Variants in DLG2 observed in about 807,000 individuals in gnomAD.
The protein encoded by DLG2 is disks large homolog 2.
A neutral mutation model predicts 132.5 loss-of-function variants in DLG2; 45 were observed. The ratio of observed to expected loss-of-function variants is 0.34; its 90% confidence interval spans 0.27 to 0.44. The LOEUF is 0.44. Among genes scored for constraint, DLG2 ranks in the 20% least tolerant of loss-of-function variants. DLG2 has a pLI of 1.00. For synonymous variants in DLG2, 424 were observed against 419.6 expected (o/e 1.01, Z -0.13); for missense variants, 1,045 against 1,196.9 (o/e 0.87, Z 1.87).
chr11:84,503,650 C>T (rs1325160876), intron 7 of DLG2, among the ~76,000 whole-genome samples: 1 of 152,194 alleles, frequency 6.6e-6, no homozygotes, highest in Admixed American at 6.5e-5. Flanking sequence ...CATGTTCCAG[C>T]TCCAGGGCTA....
At chr11:85,208,726 G>T (rs2082059834) in intron 4 of DLG2, among the ~76,000 whole-genome samples, 1 of 152,044 alleles carries the variant, frequency 6.6e-6, no homozygotes, top group South Asian at 2.1e-4. Context: ...ATGATGATTT[G>T]CAATTATCAG....
intron 21 of DLG2, among the ~76,000 whole-genome samples, chr11:83,526,964 A>G (rs2095624773): frequency 6.6e-6 from 1 of 152,176 alleles, no homozygotes. Context: ...GAAAGTGACC[A>G]TGATTTATTT....
At chr11:84,458,615 AAATAT>A (rs1356991027) in intron 7 of DLG2, among the ~76,000 whole-genome samples, 1 of 150,792 alleles carries the variant, frequency 6.6e-6, no homozygotes, top group East Asian at 1.9e-4. Context: ...TTTAGAGTTT[AAATAT>A]AATAACTTTT....
At chr11:85,246,135 T>C (rs900239844) in intron 4 of DLG2, among the ~76,000 whole-genome samples, 11 of 152,024 alleles carry the variant, frequency 7.2e-5, no homozygotes, top group Non-Finnish European at 1.5e-4. Flanking sequence ...ATGTGAATTA[T>C]AAAATTCAGG....
intron 7 of DLG2, among the ~76,000 whole-genome samples, chr11:84,260,176 G>T (rs369978090): frequency 6.6e-6 from 1 of 152,110 alleles, no homozygotes; most frequent in African/African-American, 2.4e-5. Flanking sequence ...GGAGCAGCCT[G>T]GAGAATGAAG....
chr11:84,446,160 T>G (rs1279239000), intron 7 of DLG2, among the ~76,000 whole-genome samples: 1 of 152,072 alleles, frequency 6.6e-6, no homozygotes, highest in Non-Finnish European at 1.5e-5. Flanking sequence ...TTCAATTTAT[T>G]GTTTTTTACC....
chr11:83,763,288 TAATACTC>T (rs956329047), intron 18 of DLG2, among the ~76,000 whole-genome samples: 7 of 150,326 alleles, frequency 4.7e-5, no homozygotes, highest in African/African-American at 1.8e-4. Flanking sequence ...GTAATAAGGA[TAATACTC>T]AATAGATTTT....
At chr11:84,581,079 G>A (rs1270768873) in intron 6 of DLG2, among the ~76,000 whole-genome samples, 1 of 152,206 alleles carries the variant, frequency 6.6e-6, no homozygotes, top group Non-Finnish European at 1.5e-5. Context: ...TGGTTAAACA[G>A]CTGCTCTCCC....
chr11:85,159,396 C>A (rs1369661780), intron 4 of DLG2, among the ~76,000 whole-genome samples: 2 of 152,150 alleles, frequency 1.3e-5, no homozygotes, highest in Admixed American at 6.5e-5. Context: ...GGTGGGAATG[C>A]CAAATGGAAA....
intron 7 of DLG2, among the ~76,000 whole-genome samples, chr11:84,422,008 G>A (rs995061097): frequency 3.3e-5 from 5 of 152,070 alleles, no homozygotes; most frequent in East Asian, 1.9e-4. Context: ...CCTCTATAAC[G>A]CACAACTTTG....
chr11:83,625,223 G>A (rs563275934), intron 19 of DLG2, among the ~76,000 whole-genome samples: 2 of 152,206 alleles, frequency 1.3e-5, no homozygotes, highest in East Asian at 1.9e-4. Flanking sequence ...AAGATTGGAG[G>A]GGAAGAAGAC....
chr11:84,881,683 G>A (rs1319931870), intron 6 of DLG2, among the ~76,000 whole-genome samples: 2 of 152,090 alleles, frequency 1.3e-5, no homozygotes, highest in African/African-American at 4.8e-5. Context: ...TCCAAAAAGT[G>A]CCTAGGGGGA....
chr11:85,048,151 T>C (rs1283298172), intron 6 of DLG2, among the ~76,000 whole-genome samples: 1 of 151,976 alleles, frequency 6.6e-6, no homozygotes, highest in African/African-American at 2.4e-5. Context: ...TTCATGATTT[T>C]TAAATATAAA....
intron 3 of DLG2, among the ~76,000 whole-genome samples, chr11:85,388,708 C>G (rs558628849): frequency 1.2e-3 from 185 of 152,268 alleles, no homozygotes; most frequent in African/African-American, 4.3e-3. Context: ...CAGCCAGAAG[C>G]CTGGTAGCTC....
At chr11:83,641,044 G>C (rs1029399063) in intron 18 of DLG2, among the ~76,000 whole-genome samples, 3 of 152,122 alleles carry the variant, frequency 2.0e-5, no homozygotes, top group African/African-American at 7.2e-5. Context: ...TTGTTGTTCT[G>C]AATATCCAAG....
intron 7 of DLG2, among the ~76,000 whole-genome samples, chr11:84,341,900 A>C (rs2098516742): frequency 6.6e-6 from 1 of 152,248 alleles, no homozygotes; most frequent in African/African-American, 2.4e-5. Flanking sequence ...GTTTTTACAA[A>C]TAACATGCTG....
At chr11:84,156,783 T>C (rs905621681) in intron 9 of DLG2, among the ~76,000 whole-genome samples, 3 of 152,212 alleles carry the variant, frequency 2.0e-5, no homozygotes, top group African/African-American at 7.2e-5. Flanking sequence ...ATAAGGTATG[T>C]AACATGGGAA....
chr11:84,960,570 G>C (rs1049161296), intron 6 of DLG2, among the ~76,000 whole-genome samples: 1 of 151,782 alleles, frequency 6.6e-6, no homozygotes, highest in Admixed American at 6.6e-5. Flanking sequence ...CGAGTAGCTG[G>C]GACTACAGGC....
At chr11:85,532,536 G>C (rs1256322537) in intron 3 of DLG2, among the ~76,000 whole-genome samples, 1 of 152,158 alleles carries the variant, frequency 6.6e-6, no homozygotes, top group Non-Finnish European at 1.5e-5. Flanking sequence ...TATTGGCTAA[G>C]TTACATGAGT....
Sources: allele counts gnomAD v4.1 joint callset (sites outside exome capture counted in the v4.1 genomes callset), GRCh38; gene constraint gnomAD v4.1.1; transcripts MANE v1.5; gene names NCBI Gene and HGNC (gene_info 2026-07-23, HGNC 2026-07-21).